PRKN: variants seen among roughly 807,000 people sequenced by gnomAD.
PRKN encodes the protein parkin RBR E3 ubiquitin protein ligase.
A neutral mutation model predicts 59.5 loss-of-function variants in PRKN; 56 were observed. The observed-to-expected ratio is 0.94, with a 90% CI of 0.76 to 1.18. The LOEUF (loss-of-function observed/expected upper bound fraction) is 1.18, where lower values mean the gene tolerates loss of function less well. PRKN is among the 50% of genes most tolerant of loss of function. The probability of loss-of-function intolerance (pLI) is 0.00; values close to 1 mark genes in which losing one functional copy is unlikely to be tolerated. For synonymous variants in PRKN, 250 were observed against 222.1 expected, an observed-to-expected ratio of 1.13 and a Z score of -1.12; for missense variants, 657 against 596.4, an observed-to-expected ratio of 1.10 and a Z score of -1.06.
intron 4 of PRKN, among the ~76,000 whole-genome samples, chr6:162,155,103 T>TA (rs5881453): frequency 3.0e-4 from 41 of 135,870 alleles, no homozygotes; most frequent in African/African-American, 6.5e-4. Context: ...AAATAAAACC[T>TA]AAAAAAAAAA....
intron 1 of PRKN, among the ~76,000 whole-genome samples, chr6:162,486,665 G>A (rs1792552817): frequency 6.6e-6 from 1 of 152,160 alleles, no homozygotes; most frequent in East Asian, 1.9e-4. Context: ...CTACCAACAA[G>A]AAAGACTATT....
intron 5 of PRKN, among the ~76,000 whole-genome samples, chr6:162,046,573 G>A (rs146053502): frequency 5.9e-5 from 9 of 152,298 alleles, no homozygotes; most frequent in South Asian, 4.1e-4. Context: ...TGCTACAGCC[G>A]CACTGGTTCT....
intron 9 of PRKN, among the ~76,000 whole-genome samples, chr6:161,532,594 T>C (rs1779264222): frequency 6.6e-6 from 1 of 152,172 alleles, no homozygotes; most frequent in Admixed American, 6.5e-5. Context: ...TTTGTGGGGT[T>C]TTTTTACTTG....
At chr6:162,397,734 G>A (rs559784658) in intron 2 of PRKN, among the ~76,000 whole-genome samples, 1 of 152,122 alleles carries the variant, frequency 6.6e-6, no homozygotes, top group African/African-American at 2.4e-5. Flanking sequence ...AGCACACTCG[G>A]CAGTAGAAAT....
chr6:161,881,703 A>G (rs1562362009), intron 6 of PRKN, among the ~76,000 whole-genome samples: 1 of 152,190 alleles, frequency 6.6e-6, no homozygotes, highest in African/African-American at 2.4e-5. Flanking sequence ...ACAGCAACTC[A>G]TTAGAGCCTC....
At chr6:162,012,740 C>G (rs1024308761) in intron 5 of PRKN, among the ~76,000 whole-genome samples, 2 of 152,082 alleles carry the variant, frequency 1.3e-5, no homozygotes, top group African/African-American at 4.8e-5. Flanking sequence ...CTTTCAGTCC[C>G]CTCTGATCTG....
At position 161,390,978 on chromosome 6, in the gene PRKN, C is replaced by A. The variant is rs529820687; in HGVS notation, c.1084-4101G>T. 2.8e-4 allele frequency among the ~76,000 whole-genome samples: 42 copies of A among 152,144 alleles called. 1 individual carries two copies. Among genetic ancestry groups the A allele is most frequent in the African/African-American group, 1.0e-3 (42 of 41,458 alleles). On this transcript the variant is annotated intron_variant, in intron 9 of 11. Coordinates refer to ENST00000366898, the MANE Select transcript of PRKN (RefSeq NM_004562.3). This position sits in a 1 kb window ranked among gnomAD's most constrained non-coding sequence, Gnocchi z 7.0. ...AAATACCGTGAAAAATGTACTGAACCGCTAAGGGCATGGGGAACAGAATTC... is the reference window on the plus strand; with the variant it reads ...AAATACCGTGAAAAATGTACTGAACAGCTAAGGGCATGGGGAACAGAATTC...
intron 9 of PRKN, among the ~76,000 whole-genome samples, chr6:161,439,515 T>C (rs1789089923): frequency 6.6e-6 from 1 of 152,232 alleles, no homozygotes; most frequent in East Asian, 1.9e-4. Context: ...CAGCTCCGTC[T>C]GTAATTATCT....
In PRKN at chr6:162,519,743, T is replaced by A. The variant is rs1667071715; in HGVS notation, c.8-76270A>T. Among the ~76,000 whole-genome samples, 6 of 152,126 alleles carry A rather than the reference T, an allele frequency of 3.9e-5. No individual in the cohort carries two copies. The South Asian group carries it at 1.2e-3, about 31-fold the overall frequency. On this transcript the variant is annotated intron_variant, in intron 1 of 11. Transcript: ENST00000366898. Reference sequence around the variant, plus strand: ...TTTAATATATCTGATGCTTAACCCATGACCAAATGGACTCAGGAAATAAAC... The same window carrying A: ...TTTAATATATCTGATGCTTAACCCAAGACCAAATGGACTCAGGAAATAAAC...
At chr6:162,080,986 C>T (rs955607531) in intron 4 of PRKN, among the ~76,000 whole-genome samples, 1 of 152,060 alleles carries the variant, frequency 6.6e-6, no homozygotes, top group East Asian at 1.9e-4. Flanking sequence ...CTTTGTTCTT[C>T]CATAAGAAGC....
intron 6 of PRKN, among the ~76,000 whole-genome samples, chr6:161,848,302 T>A (rs1480817891): frequency 2.6e-5 from 4 of 152,242 alleles, no homozygotes; most frequent in Non-Finnish European, 4.4e-5. Context: ...ACATTTTCAA[T>A]AATTTATATG....
chr6:161,747,270 G>C (rs1788472540), intron 7 of PRKN, among the ~76,000 whole-genome samples: 1 of 152,104 alleles, frequency 6.6e-6, no homozygotes, highest in Non-Finnish European at 1.5e-5. Context: ...CCTCTCTTTG[G>C]AGATTTCTGT....
intron 7 of PRKN, among the ~76,000 whole-genome samples, chr6:161,727,902 G>T (rs1787512339): frequency 6.6e-6 from 1 of 152,062 alleles, no homozygotes; most frequent in Non-Finnish European, 1.5e-5. Flanking sequence ...TTAATGAAAA[G>T]AAAACCCAAT....
chr6:162,289,829 T>A (rs1191235018), intron 2 of PRKN, among the ~76,000 whole-genome samples: 1 of 152,030 alleles, frequency 6.6e-6, no homozygotes, highest in Non-Finnish European at 1.5e-5. Flanking sequence ...GACACCAAGG[T>A]GACCCTCCCA....
chr6:162,389,312 T>G (rs1318490487), intron 2 of PRKN, among the ~76,000 whole-genome samples: 1 of 151,376 alleles, frequency 6.6e-6, no homozygotes, highest in East Asian at 1.9e-4. Context: ...TGGGTGCAGG[T>G]GATGAGCAAA....
At chr6:161,826,944 A>G (rs1486162049) in intron 6 of PRKN, among the ~76,000 whole-genome samples, 3 of 152,222 alleles carry the variant, frequency 2.0e-5, no homozygotes, top group Non-Finnish European at 4.4e-5. Context: ...ACAAGAATAT[A>G]GCTCAATAAG....
Position 161,561,110 on chromosome 6 carries a change from C to T in PRKN, c.933+8245G>A, listed in dbSNP as rs1290389750. On this transcript the variant is annotated intron_variant, in intron 8 of 11. Coordinates refer to ENST00000366898, the MANE Select transcript of PRKN (RefSeq NM_004562.3). This position sits in a 1 kb window ranked among gnomAD's most constrained non-coding sequence, Gnocchi z 5.0. The stretch of plus-strand genomic sequence containing the variant: ...TCCAGTGACATGTTCTCTCTTCTTT[C>T]TTCCCCTCAACCCGCCGAAAAAAGG... 6.6e-6 allele frequency among the ~76,000 whole-genome samples: 1 copy of T among 152,134 alleles called. No homozygotes were observed. Among genetic ancestry groups the T allele is most frequent in the East Asian group, 1.9e-4 (1 of 5,182 alleles).
intron 4 of PRKN, among the ~76,000 whole-genome samples, chr6:162,198,164 C>G (rs1784573398): frequency 6.6e-6 from 1 of 152,088 alleles, no homozygotes; most frequent in African/African-American, 2.4e-5. Flanking sequence ...GGGGAAGAAA[C>G]AGCATGAATT....
intron 2 of PRKN, among the ~76,000 whole-genome samples, chr6:162,326,613 A>G (rs1259489998): frequency 6.6e-6 from 1 of 152,166 alleles, no homozygotes; most frequent in Non-Finnish European, 1.5e-5. Flanking sequence ...AAGCTTTGTT[A>G]AACACTGAGG....
Sources: allele counts gnomAD v4.1 joint callset (sites outside exome capture counted in the v4.1 genomes callset), GRCh38; gene constraint gnomAD v4.1.1; non-coding constraint Gnocchi (gnomAD v3.1); transcripts MANE v1.5; gene names NCBI Gene and HGNC (gene_info 2026-07-23, HGNC 2026-07-21).